KCNH1: variants seen among roughly 807,000 people sequenced by gnomAD.
The protein encoded by KCNH1 is voltage-gated delayed rectifier potassium channel KCNH1.
A neutral mutation model predicts 69.2 loss-of-function variants in KCNH1; 27 were observed. That is an observed-to-expected ratio of 0.39 (90% CI 0.29 to 0.54). The LOEUF (loss-of-function observed/expected upper bound fraction) is 0.54. Among genes scored for constraint, KCNH1 ranks in the 20% least tolerant of loss-of-function variants. The probability of loss-of-function intolerance (pLI) is 0.68; values close to 1 mark genes in which losing one functional copy is unlikely to be tolerated. For missense variants in KCNH1, 798 were observed against 1,261.6 expected (o/e 0.63, Z 5.57); for synonymous variants, 456 against 487.7 (o/e 0.93, Z 0.86).
At chr1:210,903,196 C>A (rs1268529962) in intron 7 of KCNH1, among the ~76,000 whole-genome samples, 1 of 152,164 alleles carries the variant, frequency 6.6e-6, no homozygotes, top group Non-Finnish European at 1.5e-5. Flanking sequence ...CCACTTCTAC[C>A]CACTTCTTCC....
intron 6 of KCNH1, among the ~76,000 whole-genome samples, chr1:210,967,863 T>C (rs1688436505): frequency 6.6e-6 from 1 of 151,010 alleles, no homozygotes; most frequent in African/African-American, 2.4e-5. Context: ...TTCTCAATTT[T>C]TTTTTCTTTT....
chr1:211,021,224 G>A (rs897140118), intron 5 of KCNH1, among the ~76,000 whole-genome samples: 11 of 152,034 alleles, frequency 7.2e-5, no homozygotes, highest in African/African-American at 2.7e-4. Context: ...CTTGGGTGAT[G>A]AGTGTACCAA....
At chr1:211,102,929 ACCT>A (rs903284871) in intron 3 of KCNH1, among the ~76,000 whole-genome samples, 1 of 152,202 alleles carries the variant, frequency 6.6e-6, no homozygotes, top group African/African-American at 2.4e-5. Context: ...CCAACAGGAA[ACCT>A]CCTAAGGGAA....
At position 210,764,890 on chromosome 1, in the gene KCNH1, C is replaced by A. The variant is rs766200542; in HGVS notation, c.2112+10458G>T. 1.8e-3 allele frequency among the ~76,000 whole-genome samples: 270 copies of A among 151,878 alleles called. 1 individual carries two copies. The highest frequency in any genetic ancestry group is 3.7e-3 in the Non-Finnish European group (250 of 67,930). On this transcript the variant is annotated intron_variant, in intron 10 of 10. Transcript: ENST00000271751. ...CCCAAAGGAAAATAAATTGTTCTAC[C>A]AAAAAAGACACCTGCACTCATATGT... is the stretch of plus-strand genomic sequence containing the variant.
intron 6 of KCNH1, among the ~76,000 whole-genome samples, chr1:211,013,339 T>G (rs1428628238): frequency 1.3e-5 from 2 of 152,132 alleles, no homozygotes; most frequent in African/African-American, 4.8e-5. Flanking sequence ...TTGGAGTCAG[T>G]GCTGACCTCC....
rs565539146 is a variant in KCNH1, at chr1:210,976,653, T to C, written c.1032+42130A>G. Among the ~76,000 whole-genome samples the C allele has an allele frequency of 2.3e-4, 34 of 149,284 alleles. 1 individual carries two copies. Among genetic ancestry groups the C allele is most frequent in the African/African-American group, 7.8e-4 (32 of 40,768 alleles). Reference sequence around the variant, plus strand: ...ATGCTGCTATAAAGACACATGCACATGTATGTTTACTGCGGCACTATTCAC... The same window carrying C: ...ATGCTGCTATAAAGACACATGCACACGTATGTTTACTGCGGCACTATTCAC... On this transcript the variant is annotated intron_variant, in intron 6 of 10. Transcript: ENST00000271751.
chr1:210,687,588 A>C (rs1681433737), intron 10 of KCNH1, among the ~76,000 whole-genome samples: 3 of 152,314 alleles, frequency 2.0e-5, no homozygotes, highest in Middle Eastern at 6.8e-3. Context: ...CAGAGGGGTA[A>C]AACCAGCAAC....
chr1:210,934,885 A>G (rs1294644320), intron 6 of KCNH1, among the ~76,000 whole-genome samples: 1 of 152,024 alleles, frequency 6.6e-6, no homozygotes, highest in African/African-American at 2.4e-5. Context: ...TTGTATATAT[A>G]CAAGCAATAT....
At chr1:211,080,494 G>A (rs1338366582) in intron 5 of KCNH1, among the ~76,000 whole-genome samples, 1 of 152,164 alleles carries the variant, frequency 6.6e-6, no homozygotes, top group African/African-American at 2.4e-5. Flanking sequence ...GAACCAAAAA[G>A]AGCCCATATT....
chr1:211,026,955 C>A (rs1689695642), intron 5 of KCNH1, among the ~76,000 whole-genome samples: 1 of 152,100 alleles, frequency 6.6e-6, no homozygotes, highest in Non-Finnish European at 1.5e-5. Flanking sequence ...TGAGAGGATG[C>A]CTCCCTCTTC....
chr1:210,884,865 A>G lies in KCNH1; in HGVS notation c.1462+34775T>C, dbSNP rs1412621476. On this transcript the variant is annotated intron_variant, in intron 7 of 10. Transcript: ENST00000271751. ...GACTGTCTTCCATCCCTTCTGGAGGAGACACCAGGCAGAGAGAAAGAAGTC... is the reference window on the plus strand; with the variant it reads ...GACTGTCTTCCATCCCTTCTGGAGGGGACACCAGGCAGAGAGAAAGAAGTC... 2.0e-5 allele frequency among the ~76,000 whole-genome samples: 3 copies of G among 152,194 alleles called. No homozygotes were observed. In the East Asian group the frequency reaches 5.8e-4, roughly 29 times the overall value.
intron 6 of KCNH1, among the ~76,000 whole-genome samples, chr1:210,969,473 T>C (rs755593415): frequency 6.6e-6 from 1 of 152,148 alleles, no homozygotes; most frequent in Non-Finnish European, 1.5e-5. Flanking sequence ...TTAACAATTA[T>C]AGGGCAATAA....
intron 3 of KCNH1, among the ~76,000 whole-genome samples, chr1:211,094,401 C>A (rs529730639): frequency 3.2e-4 from 48 of 152,272 alleles, no homozygotes; most frequent in African/African-American, 9.9e-4. Context: ...GCTAGGGACC[C>A]CTGCTATATT....
At chr1:210,934,303 T>C (rs1687733423) in intron 6 of KCNH1, among the ~76,000 whole-genome samples, 1 of 152,182 alleles carries the variant, frequency 6.6e-6, no homozygotes, top group Admixed American at 6.5e-5. Context: ...TATCCTTAAG[T>C]AATATCTAGA....
At chr1:210,976,635 T>C (rs1384072102) in intron 6 of KCNH1, among the ~76,000 whole-genome samples, 1 of 147,130 alleles carries the variant, frequency 6.8e-6, no homozygotes, top group Non-Finnish European at 1.5e-5. Flanking sequence ...ATCATGCTGC[T>C]ATAAAGACAC....
chr1:210,998,876 A>G (rs557698983), intron 6 of KCNH1, among the ~76,000 whole-genome samples: 1 of 152,330 alleles, frequency 6.6e-6, no homozygotes, highest in South Asian at 2.1e-4. Flanking sequence ...AACCGCTCAA[A>G]CTACATGGAA....
chr1:210,808,845 A>T (rs1011682463), intron 7 of KCNH1, among the ~76,000 whole-genome samples: 1 of 152,192 alleles, frequency 6.6e-6, no homozygotes, highest in Admixed American at 6.5e-5. Context: ...CTGAATAGAT[A>T]TATGAGTGTG....
intron 1 of KCNH1, among the ~76,000 whole-genome samples, chr1:211,121,743 T>C (rs918964629): frequency 8.5e-5 from 13 of 152,178 alleles, no homozygotes; most frequent in African/African-American, 3.1e-4. Context: ...AGTGAATAGA[T>C]AGCCTACAGA....
intron 6 of KCNH1, among the ~76,000 whole-genome samples, chr1:210,983,623 C>A (rs1273222897): frequency 1.3e-5 from 2 of 152,050 alleles, no homozygotes; most frequent in Non-Finnish European, 2.9e-5. Context: ...TCTGTTGCAT[C>A]AGTCTATATC....
Sources: gnomAD v4.1 joint callset for allele counts (sites outside exome capture counted in the v4.1 genomes callset) on GRCh38, gnomAD v4.1.1 for gene constraint, MANE v1.5 for transcripts, NCBI Gene and HGNC (gene_info 2026-07-23, HGNC 2026-07-21) for gene names.